The following KHDRBS2 variants were observed in gnomAD, a reference collection of about 807,000 sequenced individuals.
The protein encoded by KHDRBS2 is KH domain-containing, RNA-binding, signal transduction-associated protein 2.
KHDRBS2 carries 26 observed loss-of-function variants against 44.3 expected under a neutral mutation model. The ratio of observed to expected loss-of-function variants is 0.59; its 90% confidence interval spans 0.43 to 0.81. The LOEUF (loss-of-function observed/expected upper bound fraction) is 0.81. Ranked by LOEUF, KHDRBS2 falls within the 40% of genes least tolerant of loss-of-function variation. The pLI, the probability that KHDRBS2 is intolerant of heterozygous loss-of-function variation, is 0.00. For missense variants in KHDRBS2, 476 were observed against 433.1 expected (o/e 1.10, Z -0.88); for synonymous variants, 194 against 151.1 (o/e 1.28, Z -2.08).
At chr6:62,182,027 T>C (rs1452728893) in intron 1 of KHDRBS2, among the ~76,000 whole-genome samples, 2 of 151,966 alleles carry the variant, frequency 1.3e-5, no homozygotes, top group Admixed American at 1.3e-4. Context: ...TTCAACAATG[T>C]GAAGACACAA....
intron 4 of KHDRBS2, among the ~76,000 whole-genome samples, chr6:61,916,927 C>A (rs551151333): frequency 2.7e-5 from 4 of 148,120 alleles, no homozygotes; most frequent in Admixed American, 6.8e-5. Context: ...CTGACACCAC[C>A]AAATGCTGGT....
chr6:62,171,393 G>C (rs1346008217), intron 2 of KHDRBS2, among the ~76,000 whole-genome samples: 1 of 151,136 alleles, frequency 6.6e-6, no homozygotes, highest in Admixed American at 6.6e-5. Flanking sequence ...AAAAAAAAAA[G>C]AATAAACAAA....
intron 6 of KHDRBS2, among the ~76,000 whole-genome samples, chr6:61,770,756 C>G (rs1780745678): frequency 6.6e-6 from 1 of 152,182 alleles, no homozygotes. Flanking sequence ...AGTTGGAAAC[C>G]ACTCTGCAGG....
At chr6:61,897,711 G>C (rs1052155473) in intron 5 of KHDRBS2, among the ~76,000 whole-genome samples, 30 of 148,572 alleles carry the variant, frequency 2.0e-4, no homozygotes, top group Non-Finnish European at 3.6e-4. Context: ...CTCTGTCTCT[G>C]TCTCTCTCTC....
At chr6:61,815,248 A>T (rs1257664086) in intron 6 of KHDRBS2, among the ~76,000 whole-genome samples, 1 of 152,096 alleles carries the variant, frequency 6.6e-6, no homozygotes, top group East Asian at 1.9e-4. Flanking sequence ...GGGATGATTC[A>T]TGTCCCAGGA....
At chr6:61,814,554 C>T (rs1175158219) in intron 6 of KHDRBS2, among the ~76,000 whole-genome samples, 2 of 151,968 alleles carry the variant, frequency 1.3e-5, no homozygotes, top group African/African-American at 2.4e-5. Context: ...TGCAGTCAGC[C>T]GAGATCGCAC....
intron 2 of KHDRBS2, among the ~76,000 whole-genome samples, chr6:62,161,508 G>A (rs1817614686): frequency 7.5e-6 from 1 of 134,090 alleles, no homozygotes; most frequent in South Asian, 2.5e-4. Context: ...GAATTGCATA[G>A]GTTGTATGCA....
At chr6:62,245,535 A>G (rs1835407199) in intron 1 of KHDRBS2, among the ~76,000 whole-genome samples, 1 of 152,128 alleles carries the variant, frequency 6.6e-6, no homozygotes, top group African/African-American at 2.4e-5. Flanking sequence ...TGAAATAACT[A>G]TTGGCCAGGA....
chr6:61,605,737 C>G, the KHDRBS2 span, among the ~76,000 whole-genome samples: 2 of 152,126 alleles, frequency 1.3e-5, no homozygotes, highest in Admixed American at 6.5e-5. Context: ...CCTATTATCT[C>G]TCCATACCAT....
intron 1 of KHDRBS2, among the ~76,000 whole-genome samples, chr6:62,275,116 CTTAA>C (rs1187770306): frequency 6.6e-6 from 1 of 151,948 alleles, no homozygotes; most frequent in Non-Finnish European, 1.5e-5. Flanking sequence ...ACTTATCTGA[CTTAA>C]TTAAATTGCT....
chr6:61,689,531 G>C (rs1767166495), intron 8 of KHDRBS2, among the ~76,000 whole-genome samples: 1 of 151,816 alleles, frequency 6.6e-6, no homozygotes. Context: ...CTCTTTGCTT[G>C]CTCTCTCCAA....
chr6:61,789,924 G>T (rs1784373162), intron 6 of KHDRBS2, among the ~76,000 whole-genome samples: 1 of 151,370 alleles, frequency 6.6e-6, no homozygotes, highest in Non-Finnish European at 1.5e-5. Flanking sequence ...TATTAATTAG[G>T]AATTGCAAAA....
At chr6:61,674,891 C>T in the KHDRBS2 span, among the ~76,000 whole-genome samples, 1 of 151,582 alleles carries the variant, frequency 6.6e-6, no homozygotes, top group Non-Finnish European at 1.5e-5. Flanking sequence ...TAAGGAGTAA[C>T]ATTTTAAAAT....
intron 1 of KHDRBS2, among the ~76,000 whole-genome samples, chr6:62,261,392 C>A (rs1334715170): frequency 6.6e-6 from 1 of 151,808 alleles, no homozygotes; most frequent in Non-Finnish European, 1.5e-5. Context: ...GCCCACCTGT[C>A]TCAATGAGTT....
intron 6 of KHDRBS2, among the ~76,000 whole-genome samples, chr6:61,762,103 T>C (rs12524779): frequency 0.16 from 25,054 of 152,122 alleles, 2,524 homozygotes; most frequent in East Asian, 0.29. Flanking sequence ...TGGTTATATT[T>C]CATACACTTC....
chr6:62,192,647 G>C (rs1375706920), intron 1 of KHDRBS2, among the ~76,000 whole-genome samples: 2 of 152,090 alleles, frequency 1.3e-5, no homozygotes, highest in Non-Finnish European at 2.9e-5. Flanking sequence ...TTATTCATTA[G>C]AGTTAAAAAT....
At chr6:61,614,712 G>T in the KHDRBS2 span, among the ~76,000 whole-genome samples, 1 of 152,196 alleles carries the variant, frequency 6.6e-6, no homozygotes, top group East Asian at 1.9e-4. Context: ...CACAGAGTGT[G>T]GGGAAGTTTT....
the KHDRBS2 span, among the ~76,000 whole-genome samples, chr6:61,673,221 C>T: frequency 6.6e-6 from 1 of 152,012 alleles, no homozygotes; most frequent in African/African-American, 2.4e-5. Flanking sequence ...TGTTTTGGTA[C>T]CAGTACCATG....
chr6:61,559,120 A>G, the KHDRBS2 span, among the ~76,000 whole-genome samples: 2 of 152,140 alleles, frequency 1.3e-5, no homozygotes, highest in Admixed American at 6.6e-5. Context: ...ATATATATTT[A>G]CAAGCATTAT....
Sources: allele counts gnomAD v4.1 joint callset (sites outside exome capture counted in the v4.1 genomes callset), GRCh38; gene constraint gnomAD v4.1.1; transcripts MANE v1.5; gene names NCBI Gene and HGNC (gene_info 2026-07-23, HGNC 2026-07-21).